PSEN2: variants seen among roughly 807,000 people sequenced by gnomAD.
The protein encoded by PSEN2 is presenilin 2, also known as presenilin-2.
PSEN2 carries 32 observed loss-of-function variants against 49.1 expected under a neutral mutation model. The ratio of observed to expected loss-of-function variants is 0.65; its 90% CI spans 0.49 to 0.88. The LOEUF is 0.88. Ranked by LOEUF, PSEN2 falls within the 40% of genes least tolerant of loss-of-function variation. The pLI is 0.00. For synonymous variants in PSEN2, 255 were observed against 244.0 expected, an observed-to-expected ratio of 1.05 and a Z score of -0.42; for missense variants, 522 against 586.9, an observed-to-expected ratio of 0.89 and a Z score of 1.14.
intron 4 of PSEN2, among the ~76,000 whole-genome samples, chr1:226,882,751 C>T (rs972388029): frequency 1.3e-5 from 2 of 152,200 alleles, no homozygotes; most frequent in South Asian, 2.1e-4. Context: ...ACGGAACCAT[C>T]GTCCCTAAGC....
chr1:226,884,039 C>A lies in PSEN2; in HGVS notation c.356+120C>A. On this transcript the variant is annotated intron_variant, in intron 5 of 12. Transcript: ENST00000366783. Reference sequence around the variant, plus strand: ...GCTCCACACCAGCAGCGGTAAAGAGCAGGGATGAAGAACCGCCCAGGTTCA... The same window carrying A: ...GCTCCACACCAGCAGCGGTAAAGAGAAGGGATGAAGAACCGCCCAGGTTCA... 4.4e-6 allele frequency: 4 copies of A among 905,062 alleles called. No individual in the cohort carries two copies. The Middle Eastern group carries it at 1.0e-3, about 229-fold the overall frequency. The allele number at this position is 905,062 out of a possible 1,614,324, so 56.1% of individuals were successfully genotyped here.
At chr1:226,897,145 G>A (rs535648618), downstream of PSEN2, among the ~76,000 whole-genome samples, 2 of 152,128 alleles carry the variant, frequency 1.3e-5, no homozygotes, top group African/African-American at 4.8e-5. Flanking sequence ...AGCGGGGAGC[G>A]GGTAAAGCAG....
At chr1:226,878,396 AGACGT>A (rs984708929) in intron 3 of PSEN2, among the ~76,000 whole-genome samples, 31 of 152,266 alleles carry the variant, frequency 2.0e-4, no homozygotes, top group African/African-American at 7.2e-4. Flanking sequence ...AACTGAATGG[AGACGT>A]GGGAATTGTA....
intron 2 of PSEN2, among the ~76,000 whole-genome samples, chr1:226,872,431 A>G (rs1660361603): frequency 6.6e-6 from 1 of 152,236 alleles, no homozygotes; most frequent in African/African-American, 2.4e-5. Flanking sequence ...TAGTCCAGTT[A>G]TGTGGCTTCA....
intron 3 of PSEN2, chr1:226,880,431 A>G: frequency 8.1e-7 from 1 of 1,234,276 alleles, no homozygotes; most frequent in Non-Finnish European, 1.1e-6. Context: ...CTTGGAGACG[A>G]ACTTTCAGCA....
intron 9 of PSEN2, chr1:226,890,607 C>CCTG: frequency 4.0e-6 from 1 of 248,276 alleles, no homozygotes; most frequent in South Asian, 5.4e-5. Context: ...GAGATTTGGA[C>CCTG]TTACACATGC....
intron 3 of PSEN2, among the ~76,000 whole-genome samples, chr1:226,881,087 C>G (rs1231710622): frequency 6.6e-6 from 1 of 152,194 alleles, no homozygotes; most frequent in Non-Finnish European, 1.5e-5. Flanking sequence ...CCTCTTGACC[C>G]CTTCTGGACT....
intron 4 of PSEN2, 120 bp downstream of exon 4, chr1:226,882,168 T>C (rs1661044796): frequency 7.1e-6 from 10 of 1,407,344 alleles, no homozygotes; most frequent in African/African-American, 2.8e-5. Context: ...ATGATGAGGA[T>C]TGGCCGAAAA....
chr1:226,872,031 T>C (rs1222125649), intron 2 of PSEN2, among the ~76,000 whole-genome samples: 1 of 152,238 alleles, frequency 6.6e-6, no homozygotes, highest in Non-Finnish European at 1.5e-5. Context: ...GGTGTTGAAG[T>C]GCCCATGTGC....
At position 226,895,640 on chromosome 1, in the gene PSEN2, G is replaced by C. The variant is rs1662099935; in HGVS notation, c.*61G>C. ...AATTTTCATTGGATGCAGTTGTATAGTTTTACACTCTAGTGCCATATATTT... is the reference window on the plus strand; with the variant it reads ...AATTTTCATTGGATGCAGTTGTATACTTTTACACTCTAGTGCCATATATTT... On this transcript the variant is annotated 3_prime_UTR_variant, in exon 13 of 13. Coordinates refer to ENST00000366783, the MANE Select transcript of PSEN2 (RefSeq NM_000447.3). 1 of 1,528,546 alleles carries C rather than the reference G, an allele frequency of 6.5e-7. No homozygotes were observed. The highest frequency in any genetic ancestry group is 8.9e-7 in the Non-Finnish European group (1 of 1,119,374). The allele number at this position is 1,528,546 out of a possible 1,614,324, so 94.7% of individuals were successfully genotyped here.
chr1:226,902,093 C>T (rs1662336714), intron 12 of PSEN2, among the ~76,000 whole-genome samples: 1 of 152,116 alleles, frequency 6.6e-6, no homozygotes, highest in African/African-American at 2.4e-5. Context: ...TCATGGTAGA[C>T]AGTTTTTCCA....
intron 6 of PSEN2, 133 bp from the exon 7 acceptor site, chr1:226,887,958 A>G: frequency 1.3e-6 from 1 of 787,758 alleles, no homozygotes; most frequent in Non-Finnish European, 2.3e-6. Context: ...TGGCCACCTG[A>G]TCCCTTCCAG....
rs7539221 is a variant in PSEN2, at chr1:226,889,254, C to T, written c.787+205C>T. 0.049 allele frequency among the ~76,000 whole-genome samples: 7,400 copies of T among 152,036 alleles called. 606 individuals are homozygous for T. The highest frequency in any genetic ancestry group is 0.17 in the African/African-American group (6,932 of 41,430). On this transcript the variant is annotated intron_variant, in intron 8 of 12. Coordinates refer to ENST00000366783, the MANE Select transcript of PSEN2 (RefSeq NM_000447.3). ...AACACTCCTGGTGGTCTAGATAAAA[C>T]GCAGTAGTCACTGAGCTCCTCATTT...
chr1:226,880,804 C>G lies in PSEN2; in HGVS notation c.-20-1084C>G. 3 of 1,597,710 alleles carry G rather than the reference C, an allele frequency of 1.9e-6. No homozygotes were observed. In the South Asian group the frequency reaches 3.4e-5, roughly 18 times the overall value. On this transcript the variant is annotated intron_variant, in intron 3 of 12. Transcript: ENST00000366783. ...TTAGGGGGCAGGCTTCCCTCCTGTC[C>G]CCTTGGCCTTGGCCTTCCCCTGGGT...
At chr1:226,882,132 C>G (rs528028837) in intron 4 of PSEN2, 84 bp downstream of exon 4, 3 of 1,549,330 alleles carry the variant, frequency 1.9e-6, no homozygotes, top group Non-Finnish European at 1.8e-6. Flanking sequence ...CATTCATTCC[C>G]TGATGCGGGA....
rs1661541306 is a variant in PSEN2 at position 226,888,820 on chromosome 1, G to A, written c.567-9G>A. On this transcript the variant is annotated splice_polypyrimidine_tract_variant and intron_variant, in intron 7 of 12. Coordinates refer to ENST00000366783, the MANE Select transcript of PSEN2 (RefSeq NM_000447.3). ...AGTCCCAGTCACAGGCTCCACCTTG[G>A]TCCTGCAGGGAAGTGCTCAAGACCT... is the stretch of plus-strand genomic sequence containing the variant. 3 of 1,613,012 alleles carry A rather than the reference G, an allele frequency of 1.9e-6. No individual in the cohort carries two copies. The highest frequency in any genetic ancestry group is 1.1e-5 in the South Asian group (1 of 91,064).
At chr1:226,882,961 G>A (rs1476393025) in intron 4 of PSEN2, among the ~76,000 whole-genome samples, 1 of 152,144 alleles carries the variant, frequency 6.6e-6, no homozygotes, top group African/African-American at 2.4e-5. Context: ...TTCAGTTTTT[G>A]TTTCATTTGG....
At chr1:226,876,294 G>A (rs931051239) in intron 3 of PSEN2, among the ~76,000 whole-genome samples, 3 of 152,218 alleles carry the variant, frequency 2.0e-5, no homozygotes, top group African/African-American at 7.2e-5. Context: ...TCAGAGGGTA[G>A]CAGAAGTCCA....
Position 226,891,145 on chromosome 1 carries a change from A to C in PSEN2, c.887-133A>C. ...TCCCACAACGGCCTCCTAACAATGGAGCATGAGCAGATACCTGCAGGATGG... is the reference window on the plus strand; with the variant it reads ...TCCCACAACGGCCTCCTAACAATGGCGCATGAGCAGATACCTGCAGGATGG... On this transcript the variant is annotated intron_variant, in intron 9 of 12. Coordinates refer to ENST00000366783, the MANE Select transcript of PSEN2 (RefSeq NM_000447.3). 5.4e-6 allele frequency: 4 copies of C among 742,084 alleles called. No individual in the cohort carries two copies. In the South Asian group the frequency reaches 6.2e-5, roughly 11 times the overall value. 46.0% of individuals were successfully genotyped at this position (742,084 alleles called of 1,614,324 possible). A position where few individuals can be genotyped will look rare whatever the true frequency, so the allele number is the denominator to read the frequency against.
Sources: allele counts gnomAD v4.1 joint callset (sites outside exome capture counted in the v4.1 genomes callset), GRCh38; gene constraint gnomAD v4.1.1; transcripts MANE v1.5; gene names NCBI Gene and HGNC (gene_info 2026-07-23, HGNC 2026-07-21).